GPR157: variants seen among roughly 807,000 people sequenced by gnomAD.
The protein encoded by GPR157 is G protein-coupled receptor 157, also known as G-protein coupled receptor 157.
GPR157 carries 16 observed loss-of-function variants against 23.5 expected under a neutral mutation model. The observed-to-expected ratio is 0.68, with a 90% confidence interval of 0.46 to 1.04. The LOEUF (loss-of-function observed/expected upper bound fraction) is 1.04. Ranked by LOEUF, GPR157 falls within the 50% of genes least tolerant of loss-of-function variation. GPR157 has a pLI of 0.00. For synonymous variants in GPR157, 200 were observed against 221.5 expected (o/e 0.90, Z 0.86); for missense variants, 440 against 460.7 (o/e 0.96, Z 0.41).
chr1:9,125,770 T>C (rs995271102), intron 1 of GPR157, among the ~76,000 whole-genome samples: 5 of 152,184 alleles, frequency 3.3e-5, no homozygotes, highest in African/African-American at 1.2e-4. Context: ...TCACCATAAG[T>C]GCCTCACAAA....
At chr1:9,111,689 C>T (rs1638500452) in intron 1 of GPR157, among the ~76,000 whole-genome samples, 200 bp from the exon 2 acceptor site, 1 of 152,194 alleles carries the variant, frequency 6.6e-6, no homozygotes, top group Non-Finnish European at 1.5e-5. Context: ...CGGGGACTGG[C>T]ATTAGAATGG....
At chr1:9,104,762 A>G in intron 3 of GPR157, 128 bp from the exon 4 acceptor site, 1 of 653,376 alleles carries the variant, frequency 1.5e-6, no homozygotes. Context: ...GCCCTTTGGG[A>G]GGCTGAGGTG....
intron 1 of GPR157, among the ~76,000 whole-genome samples, chr1:9,121,736 C>T (rs890919743): frequency 4.6e-5 from 7 of 152,296 alleles, no homozygotes; most frequent in Admixed American, 3.3e-4. Context: ...TTCCCACTGC[C>T]CCCAGAGCAG....
In GPR157 at chr1:9,102,228, G is replaced by A. The variant is rs1642575176; in HGVS notation, c.*2191C>T. 6.6e-6 allele frequency: 1 copy of A among 152,034 alleles called. No individual in the cohort carries two copies. Among genetic ancestry groups the A allele is most frequent in the Non-Finnish European group, 1.5e-5 (1 of 68,026 alleles). 9.4% of individuals were successfully genotyped at this position (152,034 alleles called of 1,614,324 possible). A position where few individuals can be genotyped will look rare whatever the true frequency, so the allele number is the denominator to read the frequency against. ...AGTTCGAGACCAGCCTGGCCAACAT[G>A]GTGAAAACCCGTCTCTACTGAAAAT... On this transcript the variant is annotated 3_prime_UTR_variant, in exon 4 of 4. Coordinates refer to ENST00000377411, the MANE Select transcript of GPR157 (RefSeq NM_024980.5).
chr1:9,119,029 C>A (rs1638745271), intron 1 of GPR157, among the ~76,000 whole-genome samples: 1 of 133,140 alleles, frequency 7.5e-6, no homozygotes, highest in South Asian at 2.4e-4. Flanking sequence ...TGAGACCCTG[C>A]CTTTTTTTTT....
At chr1:9,107,482 T>A (rs1430960286) in intron 2 of GPR157, among the ~76,000 whole-genome samples, 1 of 151,598 alleles carries the variant, frequency 6.6e-6, no homozygotes, top group East Asian at 2.0e-4. Flanking sequence ...CTACAAAAAA[T>A]TTAAAAATTA....
chr1:9,104,515 G>C lies in GPR157; in HGVS notation c.912C>G (p.Thr304=). 4 of 1,613,874 alleles carry C rather than the reference G, an allele frequency of 2.5e-6. No individual in the cohort carries two copies. The highest frequency in any genetic ancestry group is 3.4e-6 in the Non-Finnish European group (4 of 1,179,976). ...CCTTGGGAGTGCCAGCCGGGCTCTT[G>C]GTGGGAGGCTGAGAAGAGCAGCAGC... ...CCCCCSSQPP[T]KSPAGTPKAP... is the part of the protein sequence containing the mutation. The change falls in exon 4 of 4, where the codon ACC becomes ACG. Residue 304 remains threonine, a synonymous_variant. Transcript: ENST00000377411.
At chr1:9,125,899 A>G (rs182394643) in intron 1 of GPR157, among the ~76,000 whole-genome samples, 1 of 152,200 alleles carries the variant, frequency 6.6e-6, no homozygotes, top group Admixed American at 6.5e-5. Context: ...GACTATTTCA[A>G]TTCACACCAT....
At chr1:9,122,224 C>T (rs1247643016) in intron 1 of GPR157, among the ~76,000 whole-genome samples, 3 of 152,214 alleles carry the variant, frequency 2.0e-5, no homozygotes, top group Admixed American at 2.0e-4. Flanking sequence ...CACTCAGGCA[C>T]ACCACATGAA....
intron 2 of GPR157, 22 bp downstream of exon 2, chr1:9,111,254 G>A (rs371355833): frequency 2.5e-6 from 4 of 1,610,526 alleles, no homozygotes; most frequent in African/African-American, 2.7e-5. Context: ...AGAGGGCCCT[G>A]AGCTCTAAGG....
At chr1:9,111,692 T>C (rs1638500502) in intron 1 of GPR157, among the ~76,000 whole-genome samples, 2 of 152,148 alleles carry the variant, frequency 1.3e-5, no homozygotes, top group Middle Eastern at 3.2e-3. Context: ...GGACTGGCAT[T>C]AGAATGGAGT....
chr1:9,105,113 A>T lies in GPR157; in HGVS notation c.792+373T>A, dbSNP rs1262098469. On this transcript the variant is annotated intron_variant, in intron 3 of 3. Transcript: ENST00000377411. This position sits in a 1 kb window ranked among gnomAD's most constrained non-coding sequence, Gnocchi z 4.8. ...CATGCACACACATGGGGTAGCTGGG[A>T]AGTGCTGTGTACCCCAGAACCTCCC... Among the ~76,000 whole-genome samples, 1 of 150,166 alleles carries T rather than the reference A, an allele frequency of 6.7e-6. No individual in the cohort carries two copies. The highest frequency in any genetic ancestry group is 1.5e-5 in the Non-Finnish European group (1 of 67,682).
intron 2 of GPR157, among the ~76,000 whole-genome samples, chr1:9,108,738 C>T (rs1638406527): frequency 6.6e-6 from 1 of 152,110 alleles, no homozygotes; most frequent in African/African-American, 2.4e-5. Context: ...CCTCCTGCCT[C>T]ACTGTCTCAG....
At chr1:9,119,149 C>G (rs1386767920) in intron 1 of GPR157, among the ~76,000 whole-genome samples, 2 of 151,612 alleles carry the variant, frequency 1.3e-5, no homozygotes, top group Non-Finnish European at 2.9e-5. Flanking sequence ...TCTTCTGCCT[C>G]AGCCTCCCAA....
At chr1:9,112,609 C>T (rs555622121) in intron 1 of GPR157, among the ~76,000 whole-genome samples, 7 of 152,160 alleles carry the variant, frequency 4.6e-5, no homozygotes, top group East Asian at 3.9e-4. Context: ...TGCACCACCA[C>T]GCCCGGCTAA....
intron 1 of GPR157, among the ~76,000 whole-genome samples, chr1:9,117,339 T>C (rs1417148330): frequency 6.6e-6 from 1 of 152,142 alleles, no homozygotes. Context: ...TCTGGAACTC[T>C]CAGAAGGATA....
Position 9,128,316 on chromosome 1 carries a change from G to C in GPR157, c.383+329C>G. 1 of 588,272 alleles carries C rather than the reference G, an allele frequency of 1.7e-6. No homozygotes were observed. The highest frequency in any genetic ancestry group is 3.8e-5 in the East Asian group (1 of 26,230). The allele number at this position is 588,272 out of a possible 1,614,324, so 36.4% of individuals were successfully genotyped here. A position where few individuals can be genotyped will look rare whatever the true frequency, so the allele number is the denominator to read the frequency against. On this transcript the variant is annotated intron_variant, in intron 1 of 3. Coordinates refer to ENST00000377411, the MANE Select transcript of GPR157 (RefSeq NM_024980.5). This position sits in a 1 kb window ranked among gnomAD's most constrained non-coding sequence, Gnocchi z 6.3. ...CCCCATGGGCAGCAGAGACAGCCAGGACACAGTGAAGCAGGTCACAAGGGG... is the reference window on the plus strand; with the variant it reads ...CCCCATGGGCAGCAGAGACAGCCAGCACACAGTGAAGCAGGTCACAAGGGG...
intron 1 of GPR157, among the ~76,000 whole-genome samples, 196 bp from the exon 2 acceptor site, chr1:9,111,685 C>T (rs1638500326): frequency 6.6e-6 from 1 of 152,224 alleles, no homozygotes; most frequent in Admixed American, 6.5e-5. Flanking sequence ...TCTTCGGGGA[C>T]TGGCATTAGA....
chr1:9,111,111 G>C (rs1311597914), intron 2 of GPR157, 165 bp downstream of exon 2: 2 of 685,928 alleles, frequency 2.9e-6, no homozygotes, highest in African/African-American at 3.5e-5. Flanking sequence ...ACAGCGTGTT[G>C]CATGGTGTCT....
Sources: gnomAD v4.1 joint callset for allele counts (sites outside exome capture counted in the v4.1 genomes callset) on GRCh38, gnomAD v4.1.1 for gene constraint, Gnocchi (gnomAD v3.1) non-coding constraint, MANE v1.5 for transcripts, NCBI Gene and HGNC (gene_info 2026-07-23, HGNC 2026-07-21) for gene names.